The following PGM3 variants were observed in gnomAD, a reference collection of about 807,000 sequenced individuals.
The protein encoded by PGM3 is phosphoglucomutase 3, also known as phosphoacetylglucosamine mutase.
Under a neutral mutation model 66.2 loss-of-function variants are expected in PGM3, and 40 were observed. The observed-to-expected ratio is 0.60, with a 90% CI of 0.47 to 0.79. The LOEUF (loss-of-function observed/expected upper bound fraction) is 0.79, where lower values mean the gene tolerates loss of function less well. PGM3 is among the 30% of genes least tolerant of loss of function. PGM3 has a pLI of 0.00. For missense variants in PGM3, 537 were observed against 643.4 expected (o/e 0.83, Z 1.79); for synonymous variants, 191 against 224.2 (o/e 0.85, Z 1.32).
At chr6:83,148,745 A>T in the PGM3 span, 2 of 1,512,710 alleles carry the variant, frequency 1.3e-6, no homozygotes, top group Non-Finnish European at 1.8e-6. Context: ...TGTATAAACT[A>T]TATTATCTTG....
chr6:83,151,944 C>A, the PGM3 span: 1 of 1,613,802 alleles, frequency 6.2e-7, no homozygotes, highest in African/African-American at 1.3e-5. Context: ...CTGGAACAGA[C>A]AACATGGCTG....
At chr6:83,186,500 T>C (rs553506104) in intron 4 of PGM3, among the ~76,000 whole-genome samples, 16 of 152,322 alleles carry the variant, frequency 1.1e-4, no homozygotes, top group African/African-American at 3.8e-4. Flanking sequence ...GTGGAGGCAG[T>C]GCCTTCACAA....
In PGM3 at chr6:83,188,718, T is replaced by C. The variant is rs147051437; in HGVS notation, c.285A>G (p.Ala95=). The C allele has an allele frequency of 2.2e-5, 36 of 1,614,050 alleles. No homozygotes were observed. In the African/African-American group the frequency reaches 4.8e-4, roughly 22 times the overall value. The change falls in exon 3 of 13, where the codon GCA becomes GCG. Residue 95 remains alanine (A), a synonymous_variant. Coordinates refer to ENST00000513973, the MANE Select transcript of PGM3 (RefSeq NM_015599.3). ...TCTGCATATCTTGTTCCTCAGCATTTGCTAAACAGGTGGCATGTTCCTCCC... is the reference window on the plus strand; with the variant it reads ...TCTGCATATCTTGTTCCTCAGCATTCGCTAAACAGGTGGCATGTTCCTCCC... ...PSWEEHATCL[A]NAEEQDMQRV...
intron 8 of PGM3, 65 bp from the exon 9 acceptor site, chr6:83,176,125 A>G (rs1787744277): frequency 1.1e-6 from 1 of 872,106 alleles, no homozygotes; most frequent in African/African-American, 1.6e-5. Context: ...TTGCATACCT[A>G]GTATCCCAGA....
chr6:83,175,215 TAAG>T (rs1208727772), intron 9 of PGM3, among the ~76,000 whole-genome samples: 6 of 152,212 alleles, frequency 3.9e-5, no homozygotes, highest in Admixed American at 3.9e-4. Flanking sequence ...TAAACAACTG[TAAG>T]AGACCTTATG....
In PGM3 at chr6:83,183,065, G is replaced by A. The variant is rs556891952; in HGVS notation, c.458-87C>T. ...TGCATTCATGTGTAGGAATTTCAGG[G>A]TGACAAATCCTTTTGTGTCATCTCA... On this transcript the variant is annotated intron_variant, in intron 4 of 12. Coordinates refer to ENST00000513973, the MANE Select transcript of PGM3 (RefSeq NM_015599.3). 8.0e-5 allele frequency: 97 copies of A among 1,209,422 alleles called. 1 individual carries two copies. The South Asian group carries it at 1.4e-3, about 18-fold the overall frequency. The allele number at this position is 1,209,422 out of a possible 1,614,324, so 74.9% of individuals were successfully genotyped here.
chr6:83,153,521 A>G, the PGM3 span: 1 of 1,599,040 alleles, frequency 6.3e-7, no homozygotes, highest in Non-Finnish European at 8.5e-7. Context: ...GTTTTGGCTC[A>G]TCTTTTGGAT....
chr6:83,153,665 G>A, the PGM3 span: 2 of 1,451,298 alleles, frequency 1.4e-6, no homozygotes, highest in South Asian at 1.3e-5. Context: ...TTCATAGCCT[G>A]TTAGAAACAA....
chr6:83,175,751 A>G (rs1336499516), intron 9 of PGM3, among the ~76,000 whole-genome samples: 1 of 152,248 alleles, frequency 6.6e-6, no homozygotes, highest in Non-Finnish European at 1.5e-5. Flanking sequence ...ACACCTTAGT[A>G]TATCTCTTCA....
At chr6:83,158,439 A>G (rs1261923980), downstream of PGM3, 1 of 759,926 alleles carries the variant, frequency 1.3e-6, no homozygotes, top group Non-Finnish European at 2.2e-6. Flanking sequence ...GAAACTAAGT[A>G]TAATTTAAAA....
downstream of PGM3, chr6:83,159,876 G>A (rs746417571): frequency 3.1e-6 from 5 of 1,613,902 alleles, no homozygotes; most frequent in African/African-American, 2.7e-5. Flanking sequence ...AACAGCCAGC[G>A]GTGGTTAAAC....
chr6:83,162,087 A>T (rs962132389), downstream of PGM3, among the ~76,000 whole-genome samples: 2 of 152,144 alleles, frequency 1.3e-5, no homozygotes, highest in African/African-American at 4.8e-5. Context: ...ATGTTTTTTT[A>T]AAAGAGAGGG....
At chr6:83,172,640 CAG>C (rs1164165557) in intron 10 of PGM3, among the ~76,000 whole-genome samples, 1 of 152,008 alleles carries the variant, frequency 6.6e-6, no homozygotes, top group East Asian at 1.9e-4. Flanking sequence ...GCGTGGGCAA[CAG>C]AGCGAGACTC....
At chr6:83,188,520 T>A (rs1788775014) in intron 3 of PGM3, 94 bp downstream of exon 3, 1 of 1,016,512 alleles carries the variant, frequency 9.8e-7, no homozygotes, top group Non-Finnish European at 1.5e-6. Context: ...AGTTCCACTT[T>A]ACTTCTTTCC....
At chr6:83,156,870 A>AGTAT (rs3830923), downstream of PGM3, among the ~76,000 whole-genome samples, 4,350 of 152,272 alleles carry the variant, frequency 0.029, 150 homozygotes, top group East Asian at 0.084. Context: ...TGCTACTCAA[A>AGTAT]GTATGGTCCA....
At position 83,191,040 on chromosome 6, in the gene PGM3, G is replaced by A. The variant is rs370902808; in HGVS notation, c.-2-26C>T. 209 of 1,591,312 alleles carry A rather than the reference G, an allele frequency of 1.3e-4. 3 individuals are homozygous for A. The South Asian group carries it at 1.8e-3, about 13-fold the overall frequency. Reference sequence around the variant, plus strand: ...CTACAAAATTAAGAAATATTGTTTCGGGCATAACAAGTAATTTCTTAAGAA... The same window carrying A: ...CTACAAAATTAAGAAATATTGTTTCAGGCATAACAAGTAATTTCTTAAGAA... On this transcript the variant is annotated intron_variant, in intron 1 of 12. Coordinates refer to ENST00000513973, the MANE Select transcript of PGM3 (RefSeq NM_015599.3).
the PGM3 span, chr6:83,153,818 G>A: frequency 1.2e-5 from 18 of 1,455,396 alleles, no homozygotes; most frequent in Non-Finnish European, 1.6e-5. Context: ...TTAGGTAAAT[G>A]TGAACATTTA....
At chr6:83,192,021 T>TTTTGG (rs1397960681) in intron 1 of PGM3, among the ~76,000 whole-genome samples, 1 of 146,338 alleles carries the variant, frequency 6.8e-6, no homozygotes, top group East Asian at 2.0e-4. Flanking sequence ...AATCCCGGCA[T>TTTTGG]TTTGGGAGGC....
downstream of PGM3, chr6:83,159,761 G>A (rs773685122): frequency 1.5e-5 from 25 of 1,613,026 alleles, no homozygotes; most frequent in Non-Finnish European, 2.0e-5. Flanking sequence ...GAGTAAATGG[G>A]TCCAGCTGCT....
Sources: allele counts gnomAD v4.1 joint callset (sites outside exome capture counted in the v4.1 genomes callset), GRCh38; gene constraint gnomAD v4.1.1; transcripts MANE v1.5; gene names NCBI Gene and HGNC (gene_info 2026-07-23, HGNC 2026-07-21).